Variants in VPS11 observed in about 807,000 individuals in gnomAD.
VPS11 encodes the protein VPS11 core subunit of CORVET and HOPS complexes.
In VPS11, 51 loss-of-function variants were observed where a neutral mutation model predicts 106.8. The observed-to-expected ratio is 0.48, with a 90% CI of 0.38 to 0.60. The LOEUF (loss-of-function observed/expected upper bound fraction) is 0.60. Ranked by LOEUF, VPS11 falls within the 20% of genes least tolerant of loss-of-function variation. VPS11 has a pLI of 0.00. For missense variants in VPS11, 950 were observed against 1,190.0 expected (o/e 0.80, Z 2.97); for synonymous variants, 453 against 458.7 (o/e 0.99, Z 0.16).
At chr11:119,069,392 T>G (rs1215117397) in intron 2 of VPS11, 48 bp downstream of exon 2, 1 of 1,613,788 alleles carries the variant, frequency 6.2e-7, no homozygotes, top group Non-Finnish European at 8.5e-7. Flanking sequence ...CTAGGAATGA[T>G]TTTTTGTTGG....
chr11:119,078,509 A>G, intron 11 of VPS11, 56 bp from the exon 12 acceptor site: 1 of 1,595,118 alleles, frequency 6.3e-7, no homozygotes, highest in Non-Finnish European at 8.6e-7. Context: ...CTTTGTCCCA[A>G]GAGACCTTGT....
intron 7 of VPS11, among the ~76,000 whole-genome samples, chr11:119,076,641 TC>T (rs1157143031): frequency 1.3e-5 from 2 of 152,130 alleles, no homozygotes; most frequent in Non-Finnish European, 2.9e-5. Context: ...TTTGGCCTCT[TC>T]CCCGTTCTCT....
chr11:119,081,049 G>GCCCTCACTTTTGCCACTCACTTCTGGTC, intron 14 of VPS11, 43 bp from the exon 15 acceptor site: 2 of 1,570,752 alleles, frequency 1.3e-6, no homozygotes, highest in Non-Finnish European at 1.8e-6. Flanking sequence ...TCCTGGCCTT[G>GCCCTCACTTTTGCCACTCACTTCTGGTC]CCCTCACTTT....
At chr11:119,080,726 T>G (rs1456607736) in intron 14 of VPS11, among the ~76,000 whole-genome samples, 1 of 152,120 alleles carries the variant, frequency 6.6e-6, no homozygotes, top group African/African-American at 2.4e-5. Flanking sequence ...GGCAAATGAA[T>G]TGAGCAAGGG....
At position 119,081,369 on chromosome 11, in the gene VPS11, A is replaced by C; in HGVS notation, c.2661+55A>C. 3 of 1,611,320 alleles carry C rather than the reference A, an allele frequency of 1.9e-6. No homozygotes were observed. In the South Asian group the frequency reaches 3.3e-5, roughly 18 times the overall value. ...GGATTCCCACTAGTGTCACAGAGTCACTGGAGGGCTTGTTTCCTTATCACC... is the reference window on the plus strand; with the variant it reads ...GGATTCCCACTAGTGTCACAGAGTCCCTGGAGGGCTTGTTTCCTTATCACC... On this transcript the variant is annotated intron_variant, in intron 15 of 15. Coordinates refer to ENST00000621676, the MANE Select transcript of VPS11 (RefSeq NM_021729.6).
At chr11:119,072,557 A>T (rs969394160) in intron 5 of VPS11, 1 of 153,042 alleles carries the variant, frequency 6.5e-6, no homozygotes, top group African/African-American at 2.4e-5. Flanking sequence ...TGCCCGGCTA[A>T]TTTTTTGTAT....
Position 119,081,513 on chromosome 11 carries a change from G to A in VPS11, c.2716G>A (p.Val906Ile), listed in dbSNP as rs782775863. ...GATTGCTGACTACTTTGGCAGAGGT[G>A]TTTTCAACAAATTGACTCTGCTGAC... ...SVIADYFGRG[V>I]FNKLTLLTDP... The change falls in exon 16 of 16, where the codon GTT (valine) becomes ATT (isoleucine). Residue 906 changes from valine to isoleucine, a missense_variant. By Grantham distance (29) the Val-to-Ile change is conservative. Transcript: ENST00000621676. 6.2e-7 allele frequency: 1 copy of A among 1,614,006 alleles called. No homozygotes were observed. Among genetic ancestry groups the A allele is most frequent in the Non-Finnish European group, 8.5e-7 (1 of 1,179,898 alleles).
intron 7 of VPS11, among the ~76,000 whole-genome samples, chr11:119,074,994 C>T (rs1324510093): frequency 1.3e-5 from 2 of 152,290 alleles, no homozygotes; most frequent in South Asian, 2.1e-4. Context: ...TGGCCGGGCG[C>T]GGTAGCTCAC....
Position 119,078,029 on chromosome 11 carries a change from TCGAAGGCCGCAG to T in VPS11, c.1728_1739del (p.Glu576_Ser579del), listed in dbSNP as rs1945697219. 1 of 1,612,576 alleles carries T rather than the reference TCGAAGGCCGCAG, an allele frequency of 6.2e-7. No homozygotes were observed. The highest frequency in any genetic ancestry group is 1.1e-5 in the South Asian group (1 of 91,088). ...CTTTGTACTGATTATCGGCCCAGCC[TCGAAGGCCGCAG>T]CGATAGGGAGGCCCCAGGCTGCAGG... is the stretch of plus-strand genomic sequence containing the variant. On this transcript the variant is annotated inframe_deletion, in exon 10 of 16. Transcript: ENST00000621676.
intron 4 of VPS11, among the ~76,000 whole-genome samples, chr11:119,070,973 GGCTAGAGTGCAATGGT>G (rs1311447940): frequency 2.1e-5 from 3 of 141,908 alleles, no homozygotes; most frequent in Non-Finnish European, 3.0e-5. Context: ...GTGTAACCCA[GGCTAGAGTGCAATGGT>G]GCTGTCTCAG....
chr11:119,073,202 G>C lies in VPS11; in HGVS notation c.889G>C (p.Glu297Gln). Residue 297 changes from glutamate to glutamine, a missense_variant, in exon 6 of 16, where the codon GAG becomes CAG. Glu to Gln is a conservative substitution (Grantham distance 29). Coordinates refer to ENST00000621676, the MANE Select transcript of VPS11 (RefSeq NM_021729.6). Reference protein sequence around the residue: ...SRDRKVSPKSEFTSRDSQSSD... With the variant: ...SRDRKVSPKSQFTSRDSQSSD... ...TGCTTTTTCTTTCCTATGCAGGTCAGAGTTTACCAGCAGGGATTCACAGAG... is the reference window on the plus strand; with the variant it reads ...TGCTTTTTCTTTCCTATGCAGGTCACAGTTTACCAGCAGGGATTCACAGAG... The C allele has an allele frequency of 6.2e-7, 1 of 1,612,402 alleles. No individual in the cohort carries two copies. Among genetic ancestry groups the C allele is most frequent in the Non-Finnish European group, 8.5e-7 (1 of 1,179,156 alleles).
chr11:119,075,949 AG>A (rs56997198), intron 7 of VPS11, among the ~76,000 whole-genome samples: 152,064 of 152,064 alleles, frequency 1, 76,032 homozygotes, highest in Non-Finnish European at 1. Context: ...ATAAATTGCC[AG>A]GGGGCAGTGA....
chr11:119,072,989 G>A, intron 5 of VPS11: 1 of 586,044 alleles, frequency 1.7e-6, no homozygotes. Context: ...TCTGTTACTT[G>A]GGTTAATTGT....
chr11:119,076,039 A>G (rs547352672), intron 7 of VPS11, among the ~76,000 whole-genome samples: 34 of 151,426 alleles, frequency 2.2e-4, no homozygotes, highest in African/African-American at 8.3e-4. Context: ...CATCCTGGCC[A>G]ACATGGTGAA....
At chr11:119,078,480 G>A in intron 11 of VPS11, 85 bp from the exon 12 acceptor site, 1 of 1,581,382 alleles carries the variant, frequency 6.3e-7, no homozygotes, top group Admixed American at 1.7e-5. Context: ...GGAATGGACT[G>A]AGGGAAAGAG....
In VPS11 at chr11:119,075,574, A is replaced by T. The variant is rs1248846835; in HGVS notation, c.1239-1323A>T. Among the ~76,000 whole-genome samples, 7 of 146,376 alleles carry T rather than the reference A, an allele frequency of 4.8e-5. No individual in the cohort carries two copies. In the East Asian group the frequency reaches 8.1e-4, roughly 17 times the overall value. On this transcript the variant is annotated intron_variant, in intron 7 of 15. Coordinates refer to ENST00000621676, the MANE Select transcript of VPS11 (RefSeq NM_021729.6). ...AAAAAAAAAAAAAAAATACAAGGCC[A>T]GGCGTGGTGGCTCACGCCTGTAATC... is the stretch of plus-strand genomic sequence containing the variant.
intron 5 of VPS11, 192 bp downstream of exon 5, chr11:119,072,035 C>G (rs947453894): frequency 1.4e-5 from 9 of 650,832 alleles, no homozygotes; most frequent in Non-Finnish European, 2.2e-5. Context: ...GGCGTGATCT[C>G]GGCTCACTGC....
chr11:119,071,977 T>A, intron 5 of VPS11, 134 bp downstream of exon 5: 1 of 774,548 alleles, frequency 1.3e-6, no homozygotes, highest in African/African-American at 3.7e-5. Context: ...AACATTTCTG[T>A]TTTTTTTTTT....
chr11:119,069,170 A>C (rs782702467), intron 1 of VPS11, 26 bp from the exon 2 acceptor site: 4 of 1,612,708 alleles, frequency 2.5e-6, no homozygotes, highest in Non-Finnish European at 3.4e-6. Flanking sequence ...TCTCCTTGGA[A>C]AGGAGGCTCC....
Sources: allele counts gnomAD v4.1 joint callset (sites outside exome capture counted in the v4.1 genomes callset), GRCh38; gene constraint gnomAD v4.1.1; transcripts MANE v1.5; gene names NCBI Gene and HGNC (gene_info 2026-07-23, HGNC 2026-07-21).